Variants in PPM1B observed in about 807,000 individuals in gnomAD.
The protein encoded by PPM1B is protein phosphatase, Mg2+/Mn2+ dependent 1B.
A neutral mutation model predicts 43.0 loss-of-function variants in PPM1B; 22 were observed. That is an observed-to-expected ratio of 0.51 (90% confidence interval 0.37 to 0.73). PPM1B has a LOEUF of 0.73. PPM1B is among the 30% of genes least tolerant of loss of function. The pLI, the probability that PPM1B is intolerant of heterozygous loss-of-function variation, is 0.00. For missense variants in PPM1B, 632 were observed against 584.2 expected (o/e 1.08, Z -0.84); for synonymous variants, 217 against 197.9 (o/e 1.10, Z -0.81).
intron 1 of PPM1B, among the ~76,000 whole-genome samples, chr2:44,199,303 C>CAAAAAAA (rs1339815695): frequency 3.0e-5 from 2 of 66,916 alleles, no homozygotes; most frequent in African/African-American, 6.4e-5. Context: ...CTGTAGATCT[C>CAAAAAAA]AAAAAAAAAA....
intron 1 of PPM1B, among the ~76,000 whole-genome samples, chr2:44,175,514 T>A (rs2103997365): frequency 6.6e-6 from 1 of 152,164 alleles, no homozygotes; most frequent in Non-Finnish European, 1.5e-5. Context: ...ACAGACAAAA[T>A]CCCAAATCCT....
chr2:44,212,458 C>T (rs1669516236), intron 3 of PPM1B, among the ~76,000 whole-genome samples: 1 of 152,108 alleles, frequency 6.6e-6, no homozygotes, highest in South Asian at 2.1e-4. Flanking sequence ...AATTTGTGGC[C>T]ACTATTTCCC....
chr2:44,198,978 G>A (rs1668791898), intron 1 of PPM1B, among the ~76,000 whole-genome samples: 2 of 152,130 alleles, frequency 1.3e-5, no homozygotes, highest in African/African-American at 4.8e-5. Flanking sequence ...AATGGTCATG[G>A]CCGGGCGTGG....
chr2:44,170,711 T>C (rs1667295058), intron 1 of PPM1B, among the ~76,000 whole-genome samples: 1 of 152,234 alleles, frequency 6.6e-6, no homozygotes, highest in Admixed American at 6.5e-5. Context: ...TCTAAGTAAA[T>C]AGTGAGACAA....
chr2:44,207,877 C>T (rs1359332429), intron 2 of PPM1B, among the ~76,000 whole-genome samples: 1 of 146,006 alleles, frequency 6.8e-6, no homozygotes, highest in East Asian at 2.0e-4. Flanking sequence ...GTCACAGTGC[C>T]TGGCTTTATG....
chr2:44,198,619 C>T (rs969200494), intron 1 of PPM1B, among the ~76,000 whole-genome samples: 2 of 152,182 alleles, frequency 1.3e-5, no homozygotes, highest in Non-Finnish European at 2.9e-5. Flanking sequence ...TTCCTTGGTC[C>T]CTCAAATAAG....
rs954776149 is a variant in PPM1B at position 44,241,246 on chromosome 2, G to A, written n.1547-2982G>A. On this transcript the variant is annotated intron_variant and non_coding_transcript_variant, in intron 5 of 5. Transcript: ENST00000378540. Reference sequence around the variant, plus strand: ...TCGAACTCCCGACCTCAGGTGATCCGCCCCCCTTGGCCTCCCAAAGTGCTG... The same window carrying A: ...TCGAACTCCCGACCTCAGGTGATCCACCCCCCTTGGCCTCCCAAAGTGCTG... Among the ~76,000 whole-genome samples, 13 of 141,316 alleles carry A rather than the reference G, an allele frequency of 9.2e-5. 1 individual carries two copies. Among genetic ancestry groups the A allele is most frequent in the Admixed American group, 1.4e-4 (2 of 14,274 alleles). 92.7% of individuals were successfully genotyped at this position (141,316 alleles called of 152,430 possible).
intron 1 of PPM1B, among the ~76,000 whole-genome samples, chr2:44,196,861 A>T (rs571101066): frequency 6.6e-6 from 1 of 152,114 alleles, no homozygotes; most frequent in East Asian, 1.9e-4. Context: ...TCCAATTATT[A>T]TATAATCTTG....
At chr2:44,230,042 C>T in intron 5 of PPM1B, 1 of 1,581,274 alleles carries the variant, frequency 6.3e-7, no homozygotes, top group South Asian at 1.2e-5. Context: ...TGTCCTTTTC[C>T]TACTGCTTTA....
chr2:44,204,071 T>A (rs1489591810), intron 2 of PPM1B, among the ~76,000 whole-genome samples: 3 of 152,226 alleles, frequency 2.0e-5, no homozygotes, highest in Non-Finnish European at 4.4e-5. Context: ...CATGATTCAT[T>A]CAATGTTAAT....
intron 1 of PPM1B, among the ~76,000 whole-genome samples, chr2:44,200,303 CT>C (rs1221235728): frequency 6.6e-6 from 1 of 152,078 alleles, no homozygotes; most frequent in Non-Finnish European, 1.5e-5. Flanking sequence ...CTTTTGCATA[CT>C]TTTGGGAACC....
At chr2:44,191,806 T>G (rs1193852146) in intron 1 of PPM1B, among the ~76,000 whole-genome samples, 2 of 152,196 alleles carry the variant, frequency 1.3e-5, no homozygotes, top group African/African-American at 4.8e-5. Flanking sequence ...CCTAATTCTT[T>G]ATGTGTGACT....
At chr2:44,212,296 A>G (rs1669508342) in intron 3 of PPM1B, among the ~76,000 whole-genome samples, 1 of 152,156 alleles carries the variant, frequency 6.6e-6, no homozygotes, top group African/African-American at 2.4e-5. Context: ...CTACAGAAAG[A>G]AACCTGTCCT....
At chr2:44,171,428 T>C (rs1667338871) in intron 1 of PPM1B, among the ~76,000 whole-genome samples, 1 of 152,204 alleles carries the variant, frequency 6.6e-6, no homozygotes, top group Non-Finnish European at 1.5e-5. Flanking sequence ...AACAAACATT[T>C]TTTATGGAAT....
At chr2:44,232,322 G>T, downstream of PPM1B, 1 of 1,605,946 alleles carries the variant, frequency 6.2e-7, no homozygotes, top group Middle Eastern at 1.7e-4. Context: ...GTAGGGTGCT[G>T]GAGATCTAGA....
chr2:44,224,180 G>C (rs1670106490), intron 5 of PPM1B, among the ~76,000 whole-genome samples: 1 of 152,144 alleles, frequency 6.6e-6, no homozygotes, highest in Non-Finnish European at 1.5e-5. Flanking sequence ...TATGGGCCGG[G>C]CACAGTGGCT....
In PPM1B at chr2:44,213,300, T is replaced by G. The variant is rs543437797; in HGVS notation, c.964+3973T>G. 4.6e-5 allele frequency among the ~76,000 whole-genome samples: 7 copies of G among 151,894 alleles called. No individual in the cohort carries two copies. In the South Asian group the frequency reaches 1.5e-3, roughly 31 times the overall value. On this transcript the variant is annotated intron_variant, in intron 3 of 5. Coordinates refer to ENST00000282412, the MANE Select transcript of PPM1B (RefSeq NM_002706.6). The stretch of plus-strand genomic sequence containing the variant: ...CCAAGCTCTTCCACTCAAGGTTACA[T>G]AGTTACCTGTATTTTCTCCTAACAC...
In PPM1B at chr2:44,231,278, T is replaced by C. The variant is rs1670459468; in HGVS notation, c.*560T>C. The C allele has an allele frequency of 1.0e-6, 1 of 977,468 alleles. No homozygotes were observed. The highest frequency in any genetic ancestry group is 1.2e-6 in the Non-Finnish European group (1 of 822,804). The allele number at this position is 977,468 out of a possible 1,614,324, so 60.5% of individuals were successfully genotyped here. A position where few individuals can be genotyped will look rare whatever the true frequency, so the allele number is the denominator to read the frequency against. ...TTTTTAGAAGTTGTGAGATATTGGATGTGTGGCTATTTTTCCTTTCTCTGT... is the reference window on the plus strand; with the variant it reads ...TTTTTAGAAGTTGTGAGATATTGGACGTGTGGCTATTTTTCCTTTCTCTGT... On this transcript the variant is annotated 3_prime_UTR_variant, in exon 6 of 6. Transcript: ENST00000282412.
chr2:44,245,213 C>T (rs140065518), downstream of PPM1B, among the ~76,000 whole-genome samples: 252 of 152,272 alleles, frequency 1.7e-3, 3 homozygotes, highest in African/African-American at 5.8e-3. Flanking sequence ...AACAGTAGTT[C>T]TGAAGATTTG....
Sources: allele counts gnomAD v4.1 joint callset (sites outside exome capture counted in the v4.1 genomes callset), GRCh38; gene constraint gnomAD v4.1.1; transcripts MANE v1.5; gene names NCBI Gene and HGNC (gene_info 2026-07-23, HGNC 2026-07-21).